Variants in COL6A6 observed in about 807,000 individuals in gnomAD.
The protein encoded by COL6A6 is collagen alpha-6(VI) chain.
COL6A6 carries 183 observed loss-of-function variants against 208.6 expected under a neutral mutation model. That is an observed-to-expected ratio of 0.88 (90% CI 0.78 to 0.99). COL6A6 has a LOEUF of 0.99. Ranked by LOEUF, COL6A6 falls within the 50% of genes least tolerant of loss-of-function variation. The pLI, the probability that COL6A6 is intolerant of heterozygous loss-of-function variation, is 0.00. For synonymous variants in COL6A6, 973 were observed against 1,011.8 expected (o/e 0.96, Z 0.73); for missense variants, 2,816 against 2,815.2 (o/e 1.00, Z -0.01).
chr3:130,540,330 C>T (rs4682654), intron 1 of COL6A6, among the ~76,000 whole-genome samples: 121,737 of 152,100 alleles, frequency 0.8, 49,447 homozygotes, highest in Non-Finnish European at 0.87. Context: ...GATGAACCTG[C>T]CTACGCTGGC....
At chr3:130,559,341 A>G (rs541748094) in intron 1 of COL6A6, among the ~76,000 whole-genome samples, 21 of 152,276 alleles carry the variant, frequency 1.4e-4, no homozygotes, top group African/African-American at 4.8e-4. Context: ...AAAACTCTAC[A>G]TCGTCTAGAC....
At chr3:130,664,911 A>G in intron 35 of COL6A6, 92 bp from the exon 36 acceptor site, 1 of 799,418 alleles carries the variant, frequency 1.3e-6, no homozygotes, top group Non-Finnish European at 2.0e-6. Flanking sequence ...ATGGCTATTT[A>G]AAACAGTAAA....
At chr3:130,637,284 A>T (rs944396926) in intron 28 of COL6A6, among the ~76,000 whole-genome samples, 2 of 150,496 alleles carry the variant, frequency 1.3e-5, no homozygotes. Context: ...GCATTGAACT[A>T]TCTCTGGATC....
At chr3:130,634,238 T>TAAAAAAA (rs1553713527) in intron 26 of COL6A6, among the ~76,000 whole-genome samples, 4 of 16,208 alleles carry the variant, frequency 2.5e-4, no homozygotes, top group Non-Finnish European at 1.8e-4. Context: ...AATAAATAAA[T>TAAAAAAA]AAATAAAAAA....
chr3:130,643,729 A>G (rs1207677151), intron 31 of COL6A6, among the ~76,000 whole-genome samples: 1 of 152,234 alleles, frequency 6.6e-6, no homozygotes. Context: ...CAAATGCATA[A>G]TGACTTTCCA....
At chr3:130,673,377 A>T (rs868686126) in intron 36 of COL6A6, among the ~76,000 whole-genome samples, 20 of 152,060 alleles carry the variant, frequency 1.3e-4, no homozygotes, top group Admixed American at 6.5e-5. Flanking sequence ...TTACTAATTT[A>T]ACAATTTTTT....
At chr3:130,551,393 G>T (rs926307284) in intron 1 of COL6A6, among the ~76,000 whole-genome samples, 5 of 152,076 alleles carry the variant, frequency 3.3e-5, no homozygotes, top group Non-Finnish European at 7.4e-5. Flanking sequence ...ATTCACTCTT[G>T]GGAAGATTGT....
chr3:130,532,658 A>T (rs568410044), intron 1 of COL6A6, among the ~76,000 whole-genome samples: 2 of 152,214 alleles, frequency 1.3e-5, no homozygotes, highest in South Asian at 2.1e-4. Context: ...TTAAAACTGG[A>T]TCTTACTTTA....
intron 36 of COL6A6, among the ~76,000 whole-genome samples, chr3:130,674,037 C>T (rs1211591400): frequency 6.6e-6 from 1 of 152,144 alleles, no homozygotes; most frequent in Non-Finnish European, 1.5e-5. Context: ...TCCCATTTTA[C>T]ACCTGAAGAA....
At chr3:130,520,119 CT>C (rs970072526) in intron 1 of COL6A6, among the ~76,000 whole-genome samples, 14 of 152,150 alleles carry the variant, frequency 9.2e-5, no homozygotes, top group African/African-American at 3.4e-4. Context: ...TTTGAGGAGA[CT>C]TTTCCGTGAG....
chr3:130,606,402 A>G (rs886253184), intron 20 of COL6A6, among the ~76,000 whole-genome samples: 2 of 152,290 alleles, frequency 1.3e-5, no homozygotes, highest in African/African-American at 4.8e-5. Flanking sequence ...CATTTTTCTC[A>G]GGTAAGCATA....
chr3:130,563,699 A>T, intron 3 of COL6A6, 35 bp downstream of exon 3: 3 of 1,413,494 alleles, frequency 2.1e-6, no homozygotes, highest in Non-Finnish European at 2.9e-6. Flanking sequence ...AATGATGATA[A>T]AACGCTTTTG....
chr3:130,518,651 CATGA>C (rs1305816548), intron 1 of COL6A6, among the ~76,000 whole-genome samples: 2 of 152,204 alleles, frequency 1.3e-5, no homozygotes, highest in African/African-American at 4.8e-5. Context: ...GGATTACAGG[CATGA>C]GCCACCATGC....
intron 1 of COL6A6, among the ~76,000 whole-genome samples, chr3:130,542,749 G>T (rs1577651126): frequency 6.6e-6 from 1 of 152,086 alleles, no homozygotes; most frequent in Non-Finnish European, 1.5e-5. Context: ...TCTTCTTGGA[G>T]AATTGACTCC....
intron 21 of COL6A6, among the ~76,000 whole-genome samples, chr3:130,608,170 G>T (rs1270614024): frequency 6.6e-6 from 1 of 152,176 alleles, no homozygotes. Flanking sequence ...GTGTTTTGAA[G>T]AAATGCATGC....
At chr3:130,636,358 G>T (rs1198606590) in intron 28 of COL6A6, among the ~76,000 whole-genome samples, 1 of 152,152 alleles carries the variant, frequency 6.6e-6, no homozygotes. Flanking sequence ...GCTTGCCTTG[G>T]GTTCCTGTGG....
At chr3:130,518,549 C>T (rs1285718741) in intron 1 of COL6A6, among the ~76,000 whole-genome samples, 4 of 152,070 alleles carry the variant, frequency 2.6e-5, no homozygotes, top group African/African-American at 9.7e-5. Context: ...CTCTTGTTGC[C>T]GGGGCTGGAG....
At chr3:130,557,863 T>C (rs2062801172) in intron 1 of COL6A6, among the ~76,000 whole-genome samples, 1 of 152,232 alleles carries the variant, frequency 6.6e-6, no homozygotes, top group Admixed American at 6.5e-5. Flanking sequence ...TGTGTTGCTT[T>C]GCAGCTGTAG....
At position 130,590,666 on chromosome 3, in the gene COL6A6, C is replaced by A. The variant is rs532146379; in HGVS notation, c.4219-375C>A. 9.2e-5 allele frequency among the ~76,000 whole-genome samples: 14 copies of A among 152,132 alleles called. No homozygotes were observed. In the South Asian group the frequency reaches 2.9e-3, roughly 32 times the overall value. ...CACTGCAAGCTCCGCCTCCCGGGTT[C>A]ACGCCAGTCTCCTGCCTCGGCCTCC... On this transcript the variant is annotated intron_variant, in intron 12 of 36. Coordinates refer to ENST00000358511, the MANE Select transcript of COL6A6 (RefSeq NM_001102608.3).
Sources: gnomAD v4.1 joint callset for allele counts (sites outside exome capture counted in the v4.1 genomes callset) on GRCh38, gnomAD v4.1.1 for gene constraint, MANE v1.5 for transcripts, NCBI Gene and HGNC (gene_info 2026-07-23, HGNC 2026-07-21) for gene names.